Variants in SYNJ1 observed in about 807,000 individuals in gnomAD.
SYNJ1 encodes polyphosphatidylinositol phosphatase SYNJ1.
Under a neutral mutation model 168.2 loss-of-function variants are expected in SYNJ1, and 78 were observed. That is an observed-to-expected ratio of 0.46 (90% CI 0.39 to 0.56). SYNJ1 has a LOEUF of 0.56. SYNJ1 is among the 20% of genes least tolerant of loss of function. The probability of loss-of-function intolerance (pLI) is 0.00; values close to 1 mark genes in which losing one functional copy is unlikely to be tolerated. For missense variants in SYNJ1, 1,303 were observed against 1,597.6 expected, an observed-to-expected ratio of 0.82 and a Z score of 3.14; for synonymous variants, 539 against 548.6, an observed-to-expected ratio of 0.98 and a Z score of 0.24.
intron 2 of SYNJ1, among the ~76,000 whole-genome samples, chr21:32,716,637 T>A (rs1282876340): frequency 6.6e-6 from 1 of 152,244 alleles, no homozygotes; most frequent in Non-Finnish European, 1.5e-5. Flanking sequence ...GGGTATAGTG[T>A]TCTGCTTTAT....
intron 10 of SYNJ1, among the ~76,000 whole-genome samples, chr21:32,682,441 T>A (rs2041661574): frequency 6.6e-6 from 1 of 152,146 alleles, no homozygotes; most frequent in Non-Finnish European, 1.5e-5. Context: ...AGTATGGTGA[T>A]CATCCATAAT....
Position 32,728,000 on chromosome 21 carries a change from G to T in SYNJ1, c.-77C>A. Reference sequence around the variant, plus strand: ...CCCGCAGCCGCCGCCACAGCCGCCGGGAGCGTCACTTCCGCTCCAGCAGGC... The same window carrying T: ...CCCGCAGCCGCCGCCACAGCCGCCGTGAGCGTCACTTCCGCTCCAGCAGGC... On this transcript the variant is annotated 5_prime_UTR_variant, in exon 1 of 33. Transcript: ENST00000674351. 6.5e-7 allele frequency: 1 copy of T among 1,536,252 alleles called. No homozygotes were observed.
chr21:32,725,470 A>T (rs534503033), intron 2 of SYNJ1, among the ~76,000 whole-genome samples: 111 of 152,340 alleles, frequency 7.3e-4, no homozygotes, highest in Non-Finnish European at 1.3e-3. Context: ...TTCTTGGAAG[A>T]CCTAGAGCCC....
At chr21:32,701,067 T>C (rs1273660763) in intron 3 of SYNJ1, among the ~76,000 whole-genome samples, 1 of 152,202 alleles carries the variant, frequency 6.6e-6, no homozygotes, top group African/African-American at 2.4e-5. Flanking sequence ...AATTTCAGTA[T>C]GTAGCATAAC....
chr21:32,718,345 G>A (rs2043098466), intron 2 of SYNJ1, among the ~76,000 whole-genome samples: 1 of 152,110 alleles, frequency 6.6e-6, no homozygotes, highest in Non-Finnish European at 1.5e-5. Context: ...GAATAAAAAA[G>A]TTTGGTTGAT....
At chr21:32,639,565 G>T in intron 30 of SYNJ1, 106 bp downstream of exon 30, 2 of 882,148 alleles carry the variant, frequency 2.3e-6, no homozygotes, top group Non-Finnish European at 3.6e-6. Context: ...CTAATTTTAA[G>T]AGTTTTTAAT....
intron 4 of SYNJ1, 62 bp from the exon 5 acceptor site, chr21:32,695,344 A>C: frequency 1.4e-6 from 2 of 1,431,718 alleles, no homozygotes; most frequent in Non-Finnish European, 1.9e-6. Context: ...TATGACTTTT[A>C]AAATAATCTC....
intron 2 of SYNJ1, among the ~76,000 whole-genome samples, chr21:32,725,880 G>T (rs1390067103): frequency 6.6e-6 from 1 of 151,830 alleles, no homozygotes; most frequent in African/African-American, 2.4e-5. Flanking sequence ...TCACTGTGTT[G>T]CCCAAGCTGG....
chr21:32,644,242 G>C (rs190199455), intron 26 of SYNJ1, among the ~76,000 whole-genome samples: 1 of 152,106 alleles, frequency 6.6e-6, no homozygotes, highest in Admixed American at 6.6e-5. Context: ...AGCTGTATTC[G>C]GCAGAAGCTG....
intron 21 of SYNJ1, 124 bp from the exon 22 acceptor site, chr21:32,653,490 G>A: frequency 2.7e-6 from 2 of 738,326 alleles, no homozygotes; most frequent in Non-Finnish European, 4.5e-6. Flanking sequence ...AGTAAAGGAG[G>A]GAGCGCAGGT....
intron 13 of SYNJ1, among the ~76,000 whole-genome samples, chr21:32,675,508 A>G (rs1183391981): frequency 6.6e-6 from 1 of 152,226 alleles, no homozygotes; most frequent in Non-Finnish European, 1.5e-5. Flanking sequence ...ACTCAAAAAT[A>G]TATCTAGGTG....
intron 6 of SYNJ1, among the ~76,000 whole-genome samples, chr21:32,690,061 C>T (rs541933808): frequency 1.4e-4 from 21 of 152,284 alleles, no homozygotes; most frequent in Middle Eastern, 3.4e-3. Flanking sequence ...AGTACTGCAA[C>T]GGTGCATAAG....
intron 2 of SYNJ1, among the ~76,000 whole-genome samples, chr21:32,716,497 G>C (rs553557784): frequency 2.0e-5 from 3 of 152,278 alleles, no homozygotes; most frequent in Admixed American, 6.5e-5. Flanking sequence ...CTCTGGCTTG[G>C]ATTGCTTGCA....
intron 6 of SYNJ1, among the ~76,000 whole-genome samples, chr21:32,690,618 T>TG (rs2146127923): frequency 6.6e-6 from 1 of 152,236 alleles, no homozygotes; most frequent in East Asian, 1.9e-4. Flanking sequence ...CGGCCAGGTG[T>TG]GGTGGCTCAT....
chr21:32,690,876 T>C (rs1192605135), intron 6 of SYNJ1, among the ~76,000 whole-genome samples: 1 of 152,206 alleles, frequency 6.6e-6, no homozygotes, highest in Non-Finnish European at 1.5e-5. Flanking sequence ...GAGCCAAGAC[T>C]GTGCCATTGC....
intron 21 of SYNJ1, among the ~76,000 whole-genome samples, chr21:32,655,999 T>C (rs899603712): frequency 2.6e-5 from 4 of 152,332 alleles, no homozygotes; most frequent in South Asian, 2.1e-4. Context: ...GAGGGAGTCA[T>C]TCTTATCTCT....
At chr21:32,706,873 G>T (rs898740517) in intron 2 of SYNJ1, among the ~76,000 whole-genome samples, 13 of 151,930 alleles carry the variant, frequency 8.6e-5, no homozygotes, top group African/African-American at 2.9e-4. Flanking sequence ...ACTATAAAGA[G>T]ATTATTTAAA....
At chr21:32,725,716 AT>A (rs771000868) in intron 2 of SYNJ1, among the ~76,000 whole-genome samples, 15 of 152,188 alleles carry the variant, frequency 9.9e-5, no homozygotes, top group Non-Finnish European at 1.6e-4. Flanking sequence ...AAGGGCTTAT[AT>A]TTGTAAGTAT....
intron 7 of SYNJ1, 107 bp downstream of exon 7, chr21:32,688,199 A>AG (rs2041897542): frequency 1.0e-6 from 1 of 1,002,990 alleles, no homozygotes; most frequent in African/African-American, 1.6e-5. Context: ...TAGGAGTCAG[A>AG]GGAATTTTAT....
Sources: allele counts gnomAD v4.1 joint callset (sites outside exome capture counted in the v4.1 genomes callset), GRCh38; gene constraint gnomAD v4.1.1; transcripts MANE v1.5; gene names NCBI Gene and HGNC (gene_info 2026-07-23, HGNC 2026-07-21).